Variants in NUMBL observed in about 807,000 individuals in gnomAD.
NUMBL encodes the protein NUMB like endocytic adaptor protein, also known as numb-like protein.
Under a neutral mutation model 48.9 loss-of-function variants are expected in NUMBL, and 20 were observed. That is an observed-to-expected ratio of 0.41 (90% CI 0.29 to 0.59). NUMBL has a LOEUF of 0.59. Ranked by LOEUF, NUMBL falls within the 20% of genes least tolerant of loss-of-function variation. NUMBL has a pLI of 0.31. For missense variants in NUMBL, 660 were observed against 846.2 expected, an observed-to-expected ratio of 0.78 and a Z score of 2.73; for synonymous variants, 340 against 348.7, an observed-to-expected ratio of 0.98 and a Z score of 0.28.
At chr19:40,677,554 C>A in intron 6 of NUMBL, 133 bp from the exon 7 acceptor site, 1 of 717,842 alleles carries the variant, frequency 1.4e-6, no homozygotes, top group South Asian at 1.9e-5. Flanking sequence ...CCTCAGTGCT[C>A]ATCTGCACCA....
At chr19:40,678,035 G>A (rs1020053817) in intron 6 of NUMBL, among the ~76,000 whole-genome samples, 2 of 152,150 alleles carry the variant, frequency 1.3e-5, no homozygotes, top group Non-Finnish European at 1.5e-5. Context: ...AAACGTGTGT[G>A]TCTCTCTCAG....
Position 40,673,257 on chromosome 19 carries a change from G to C in NUMBL, c.1036+87C>G. The C allele has an allele frequency of 7.5e-7, 1 of 1,336,884 alleles. No homozygotes were observed. The highest frequency in any genetic ancestry group is 1.0e-6 in the Non-Finnish European group (1 of 989,112). 82.8% of individuals were successfully genotyped at this position (1,336,884 alleles called of 1,614,324 possible). On this transcript the variant is annotated intron_variant, in intron 8 of 9. Coordinates refer to ENST00000252891, the MANE Select transcript of NUMBL (RefSeq NM_004756.5). The surrounding 1 kb of genome is among the most constrained non-coding windows in gnomAD (Gnocchi z 5.9). ...TGGCAGACAGTGCAAATCAATCACA[G>C]TGTGAACCATCTCGCCTCCATCCCT...
chr19:40,669,853 G>C, intron 9 of NUMBL, 45 bp downstream of exon 9: 3 of 1,599,274 alleles, frequency 1.9e-6, no homozygotes, highest in Non-Finnish European at 1.7e-6. Context: ...AGGGGATACA[G>C]GAGGGACATG....
intron 3 of NUMBL, chr19:40,684,162 G>A: frequency 2.6e-6 from 1 of 382,218 alleles, no homozygotes; most frequent in Non-Finnish European, 4.7e-6. Context: ...TCCGCCTCCC[G>A]GGTTCAAGCG....
rs762744056 is a variant in NUMBL at position 40,667,634 on chromosome 19, G to A, written c.1664C>T (p.Pro555Leu). The change falls in exon 10 of 10, where the codon CCT becomes CTT. Residue 555 changes from proline to leucine, a missense_variant. Pro to Leu is a moderately conservative substitution (Grantham distance 98). Around this residue, in one of 3 missense-constraint regions of NUMBL, gnomAD observed 296 missense variants for 339.7 expected, o/e 0.87. Coordinates refer to ENST00000252891, the MANE Select transcript of NUMBL (RefSeq NM_004756.5). This position sits in a 1 kb window ranked among gnomAD's most constrained non-coding sequence, Gnocchi z 6.1. ...IPSAPGSQAR[P>L]RPNGAPWPPE... ...GGGCCAGGGGGCCCCATTGGGGCGA[G>A]GGCGGGCCTGGCTCCCAGGGGCACT... 66 of 1,556,376 alleles carry A rather than the reference G, an allele frequency of 4.2e-5. No individual in the cohort carries two copies. Among genetic ancestry groups the A allele is most frequent in the Non-Finnish European group, 5.0e-5 (58 of 1,150,220 alleles).
At chr19:40,674,525 C>T (rs923662821) in intron 7 of NUMBL, among the ~76,000 whole-genome samples, 1 of 152,172 alleles carries the variant, frequency 6.6e-6, no homozygotes, top group Non-Finnish European at 1.5e-5. Context: ...AGGGCCTCCC[C>T]GAGCTGCAGC....
intron 6 of NUMBL, 25 bp from the exon 7 acceptor site, chr19:40,677,446 G>A (rs771922806): frequency 3.8e-6 from 6 of 1,596,836 alleles, no homozygotes; most frequent in Admixed American, 1.7e-5. Context: ...TGGGCGGGGG[G>A]GTTAGAGGCG....
At chr19:40,671,665 C>A (rs2604892) in intron 8 of NUMBL, among the ~76,000 whole-genome samples, 2 of 152,116 alleles carry the variant, frequency 1.3e-5, no homozygotes, top group Non-Finnish European at 2.9e-5. Context: ...TTGGAGCAGC[C>A]CAGCCTCCTG....
Position 40,669,963 on chromosome 19 carries a change from G to C in NUMBL, c.1094C>G (p.Thr365Arg). 1.9e-6 allele frequency: 3 copies of C among 1,614,114 alleles called. No individual in the cohort carries two copies. The highest frequency in any genetic ancestry group is 2.5e-6 in the Non-Finnish European group (3 of 1,179,994). The change falls in exon 9 of 10, where the codon ACA becomes AGA. Residue 365 changes from threonine (T) to arginine (R), a missense_variant. Physicochemically the swap from Thr to Arg is moderately conservative, Grantham distance 71. Around this residue, in one of 3 missense-constraint regions of NUMBL, gnomAD observed 296 missense variants for 339.7 expected, o/e 0.87. Coordinates refer to ENST00000252891, the MANE Select transcript of NUMBL (RefSeq NM_004756.5). Reference protein sequence around the residue: ...GDSDSINALCTQISSSFASAG... With the variant: ...GDSDSINALCRQISSSFASAG... ...ACTGGCAAAAGATGAACTGATCTGTGTGCACAGAGCGTTGATGCTGTCACT... is the reference window on the plus strand; with the variant it reads ...ACTGGCAAAAGATGAACTGATCTGTCTGCACAGAGCGTTGATGCTGTCACT...
chr19:40,687,885 C>T lies in NUMBL; in HGVS notation c.25-890G>A, dbSNP rs962111152. Among the ~76,000 whole-genome samples, 1 of 152,224 alleles carries T rather than the reference C, an allele frequency of 6.6e-6. No homozygotes were observed. The highest frequency in any genetic ancestry group is 1.5e-5 in the Non-Finnish European group (1 of 68,032). On this transcript the variant is annotated intron_variant, in intron 1 of 9. Transcript: ENST00000252891. This position sits in a 1 kb window ranked among gnomAD's most constrained non-coding sequence, Gnocchi z 4.6. ...AGACCACATGCAGCCTCAACCAGACCAGTCACACCAACACACTGTTTTTGG... is the reference window on the plus strand; with the variant it reads ...AGACCACATGCAGCCTCAACCAGACTAGTCACACCAACACACTGTTTTTGG...
At position 40,667,353 on chromosome 19, in the gene NUMBL, T is replaced by C. The variant is rs2081815202; in HGVS notation, c.*115A>G. ...TGTCGGGGTGGTTGAGGGAGGGGGG[T>C]GTTGAGAGGGTGTTGAGGGGCGCAG... On this transcript the variant is annotated 3_prime_UTR_variant, in exon 10 of 10. Transcript: ENST00000252891. The surrounding 1 kb of genome is among the most constrained non-coding windows in gnomAD (Gnocchi z 6.1). The C allele has an allele frequency of 7.4e-7, 1 of 1,359,646 alleles. No individual in the cohort carries two copies. Among genetic ancestry groups the C allele is most frequent in the South Asian group, 1.5e-5 (1 of 68,884 alleles). 84.2% of individuals were successfully genotyped at this position (1,359,646 alleles called of 1,614,324 possible).
At chr19:40,684,384 C>A (rs1055469844) in intron 3 of NUMBL, 33 bp downstream of exon 3, 1 of 1,535,618 alleles carries the variant, frequency 6.5e-7, no homozygotes, top group Non-Finnish European at 8.7e-7. Context: ...CCCCGTCCCC[C>A]TCGCCCCGCC....
chr19:40,678,319 C>T (rs1014470674), intron 6 of NUMBL, among the ~76,000 whole-genome samples: 1 of 152,160 alleles, frequency 6.6e-6, no homozygotes, highest in African/African-American at 2.4e-5. Context: ...TGCGCCACCA[C>T]ACCTGGTTAA....
chr19:40,670,157 G>T, intron 8 of NUMBL, 137 bp from the exon 9 acceptor site: 2 of 1,022,370 alleles, frequency 2.0e-6, no homozygotes, highest in Non-Finnish European at 2.8e-6. Context: ...GGCCATGACC[G>T]CCAAATAACT....
At chr19:40,672,019 C>T (rs949286833) in intron 8 of NUMBL, among the ~76,000 whole-genome samples, 7 of 152,098 alleles carry the variant, frequency 4.6e-5, no homozygotes, top group South Asian at 2.1e-4. Context: ...TACAGGCATG[C>T]GCCACCACAC....
rs149026683 is a variant in NUMBL, at chr19:40,665,934, A to G, written c.*1534T>C. 1 of 152,328 alleles carries G rather than the reference A, an allele frequency of 6.6e-6. No individual in the cohort carries two copies. Among genetic ancestry groups the G allele is most frequent in the Non-Finnish European group, 1.5e-5 (1 of 68,046 alleles). 9.4% of individuals were successfully genotyped at this position (152,328 alleles called of 1,614,324 possible). ...AAAGAGCTATAACGAAACAAAATTT[A>G]TATGTTATATATTTTTAAAAATACA... On this transcript the variant is annotated 3_prime_UTR_variant, in exon 10 of 10. Transcript: ENST00000252891.
In NUMBL at chr19:40,677,286, G is replaced by C; in HGVS notation, c.676C>G (p.Arg226Gly). ...RTSFAREGSF[R>G]LSGGGRPAER... ...GCAGGCCGCCCACCCCCAGACAGGCGGAAGGAGCCCTCGCGGGCGAAGCTG... is the reference window on the plus strand; with the variant it reads ...GCAGGCCGCCCACCCCCAGACAGGCCGAAGGAGCCCTCGCGGGCGAAGCTG... Residue 226 changes from arginine to glycine, a missense_variant, in exon 7 of 10, where the codon CGC becomes GGC. Physicochemically the swap from Arg to Gly is moderately radical, Grantham distance 125. Transcript: ENST00000252891. 6.2e-7 allele frequency: 1 copy of C among 1,606,248 alleles called. No homozygotes were observed. The highest frequency in any genetic ancestry group is 8.5e-7 in the Non-Finnish European group (1 of 1,177,090).
rs1045693716 is a variant in NUMBL, at chr19:40,666,770, A to G, written c.*698T>C. Reference sequence around the variant, plus strand: ...TACAAAAAAAATCTGGAAATAAAAGATAGAAAAGTACCCGCCAGGCACCCC... The same window carrying G: ...TACAAAAAAAATCTGGAAATAAAAGGTAGAAAAGTACCCGCCAGGCACCCC... On this transcript the variant is annotated 3_prime_UTR_variant, in exon 10 of 10. Coordinates refer to ENST00000252891, the MANE Select transcript of NUMBL (RefSeq NM_004756.5). 5 of 152,740 alleles carry G rather than the reference A, an allele frequency of 3.3e-5. No individual in the cohort carries two copies. The highest frequency in any genetic ancestry group is 1.2e-4 in the African/African-American group (5 of 41,440). 9.5% of individuals were successfully genotyped at this position (152,740 alleles called of 1,614,324 possible). A position where few individuals can be genotyped will look rare whatever the true frequency, so the allele number is the denominator to read the frequency against.
intron 7 of NUMBL, among the ~76,000 whole-genome samples, chr19:40,674,268 A>AGCC (rs1488222201): frequency 6.6e-6 from 1 of 152,038 alleles, no homozygotes; most frequent in African/African-American, 2.4e-5. Context: ...CCCACCTCCC[A>AGCC]GCCTTCTTCC....
Sources: allele counts gnomAD v4.1 joint callset (sites outside exome capture counted in the v4.1 genomes callset), GRCh38; gene constraint gnomAD v4.1.1; regional missense constraint gnomAD v4.1.1; non-coding constraint Gnocchi (gnomAD v3.1); transcripts MANE v1.5; gene names NCBI Gene and HGNC (gene_info 2026-07-23, HGNC 2026-07-21).